Variants in MATN2 observed in about 807,000 individuals in gnomAD.
MATN2 encodes matrilin-2.
A neutral mutation model predicts 103.2 loss-of-function variants in MATN2; 69 were observed. The observed-to-expected ratio is 0.67, with a 90% CI of 0.55 to 0.82. The LOEUF is 0.82. Among genes scored for constraint, MATN2 ranks in the 40% least tolerant of loss-of-function variants. MATN2 has a pLI of 0.00. For missense variants in MATN2, 1,023 were observed against 1,211.5 expected, an observed-to-expected ratio of 0.84 and a Z score of 2.31; for synonymous variants, 429 against 450.2, an observed-to-expected ratio of 0.95 and a Z score of 0.60.
chr8:98,013,311 G>A (rs1813237886), intron 10 of MATN2, among the ~76,000 whole-genome samples: 1 of 152,196 alleles, frequency 6.6e-6, no homozygotes, highest in Non-Finnish European at 1.5e-5. Flanking sequence ...GAACAAATGT[G>A]AGTCGTGCAT....
At chr8:98,003,622 T>G (rs771411621) in intron 7 of MATN2, 39 bp from the exon 8 acceptor site, 2 of 1,612,134 alleles carry the variant, frequency 1.2e-6, no homozygotes, top group East Asian at 4.5e-5. Flanking sequence ...CTGGGAGAGG[T>G]CCAGAGTCTG....
chr8:98,007,283 A>C lies in MATN2; in HGVS notation c.1450+56A>C. On this transcript the variant is annotated intron_variant, in intron 9 of 18. Coordinates refer to ENST00000254898, the MANE Select transcript of MATN2 (RefSeq NM_002380.5). The surrounding 1 kb of genome is among the most constrained non-coding windows in gnomAD (Gnocchi z 4.2). Reference sequence around the variant, plus strand: ...AAGGTTTGCACCAGGAGTGAAACCTATGTGACTGCAGAGGGCACAGGTTGT... The same window carrying C: ...AAGGTTTGCACCAGGAGTGAAACCTCTGTGACTGCAGAGGGCACAGGTTGT... The C allele has an allele frequency of 4.3e-6, 7 of 1,609,238 alleles. No individual in the cohort carries two copies. The highest frequency in any genetic ancestry group is 3.8e-4 in the Middle Eastern group (2 of 5,256).
intron 10 of MATN2, among the ~76,000 whole-genome samples, chr8:98,012,760 C>G (rs558024128): frequency 6.6e-6 from 1 of 152,292 alleles, no homozygotes; most frequent in East Asian, 1.9e-4. Context: ...GCAGCTGGAC[C>G]AGGGACACGG....
chr8:97,893,262 A>T (rs1461920553), intron 2 of MATN2, among the ~76,000 whole-genome samples: 9 of 152,190 alleles, frequency 5.9e-5, no homozygotes, highest in Non-Finnish European at 8.8e-5. Context: ...TGGCAGGTAG[A>T]GTCGGAGAAT....
intron 2 of MATN2, among the ~76,000 whole-genome samples, chr8:97,913,940 G>T (rs1394612550): frequency 6.6e-6 from 1 of 152,172 alleles, no homozygotes. Flanking sequence ...TTGAAATTTG[G>T]ATTAAATAGG....
intron 2 of MATN2, among the ~76,000 whole-genome samples, chr8:97,894,275 C>T (rs1000794840): frequency 7.0e-6 from 1 of 143,406 alleles, no homozygotes; most frequent in Non-Finnish European, 1.5e-5. Flanking sequence ...TTACTCATAA[C>T]AGTTAATTTA....
chr8:97,970,471 C>T (rs1245405727), intron 5 of MATN2, among the ~76,000 whole-genome samples: 1 of 152,188 alleles, frequency 6.6e-6, no homozygotes, highest in African/African-American at 2.4e-5. Context: ...TTCATAGCTA[C>T]TGCTATGAAA....
At chr8:97,872,858 G>A (rs2129918262) in intron 1 of MATN2, among the ~76,000 whole-genome samples, 1 of 151,514 alleles carries the variant, frequency 6.6e-6, no homozygotes, top group Non-Finnish European at 1.5e-5. Flanking sequence ...GCAGTGGCGT[G>A]ATCTTGGCTC....
chr8:97,969,519 A>C (rs1811588327), intron 5 of MATN2, among the ~76,000 whole-genome samples: 1 of 152,172 alleles, frequency 6.6e-6, no homozygotes, highest in Non-Finnish European at 1.5e-5. Context: ...ATGGAGTGAG[A>C]AGAGAGTGAA....
rs1301053649 is a variant in MATN2 at position 97,930,884 on chromosome 8, G to T, written c.143-69G>T. On this transcript the variant is annotated intron_variant, in intron 2 of 18. Coordinates refer to ENST00000254898, the MANE Select transcript of MATN2 (RefSeq NM_002380.5). ...TGATCCACCCGCCTTCCAAAGTGCT[G>T]GGATTACAGGTGTGAGCCACCACAC... is the stretch of plus-strand genomic sequence containing the variant. The T allele has an allele frequency of 2.8e-6, 3 of 1,081,144 alleles. No homozygotes were observed. In the East Asian group the frequency reaches 7.4e-5, roughly 27 times the overall value. The allele number at this position is 1,081,144 out of a possible 1,614,324, so 67.0% of individuals were successfully genotyped here. A position where few individuals can be genotyped will look rare whatever the true frequency, so the allele number is the denominator to read the frequency against.
chr8:98,016,960 T>C (rs1563728338), intron 11 of MATN2, among the ~76,000 whole-genome samples: 1 of 152,220 alleles, frequency 6.6e-6, no homozygotes, highest in African/African-American at 2.4e-5. Flanking sequence ...GTGGGGTATA[T>C]TGCAATTCTT....
chr8:97,972,083 C>A (rs899939966), intron 5 of MATN2, among the ~76,000 whole-genome samples: 1 of 151,948 alleles, frequency 6.6e-6, no homozygotes, highest in African/African-American at 2.4e-5. Flanking sequence ...GTAGTCCCAG[C>A]TATTCAGGAG....
chr8:97,987,788 T>G (rs921836893), intron 6 of MATN2, among the ~76,000 whole-genome samples: 1 of 152,092 alleles, frequency 6.6e-6, no homozygotes, highest in African/African-American at 2.4e-5. Context: ...TAACATGTCT[T>G]CATATATTAG....
At chr8:97,872,648 T>C (rs1817934144) in intron 1 of MATN2, among the ~76,000 whole-genome samples, 1 of 152,168 alleles carries the variant, frequency 6.6e-6, no homozygotes, top group Admixed American at 6.6e-5. Flanking sequence ...TCTTGGTTCC[T>C]TCTTCCATCC....
rs956759384 is a variant in MATN2 at position 98,019,880 on chromosome 8, T to C, written c.1820-1325T>C. ...TCCTCACAGACTCCTTTGAGATAAC[T>C]GGGGATATTCCACAAGCCAACAAGG... is the stretch of plus-strand genomic sequence containing the variant. On this transcript the variant is annotated intron_variant, in intron 12 of 18. Transcript: ENST00000254898. 9.2e-5 allele frequency among the ~76,000 whole-genome samples: 14 copies of C among 152,220 alleles called. 1 individual carries two copies. In the South Asian group the frequency reaches 2.7e-3, roughly 29 times the overall value.
intron 2 of MATN2, among the ~76,000 whole-genome samples, chr8:97,902,530 G>GA (rs1207582694): frequency 1.3e-5 from 2 of 150,708 alleles, no homozygotes; most frequent in South Asian, 4.2e-4. Flanking sequence ...AAAAGACAAA[G>GA]AAAAAAAGCA....
chr8:97,916,345 C>T (rs1809630293), intron 2 of MATN2, among the ~76,000 whole-genome samples: 1 of 152,170 alleles, frequency 6.6e-6, no homozygotes, highest in Admixed American at 6.5e-5. Context: ...GCTGAGATTA[C>T]AGGCATGAGC....
intron 6 of MATN2, among the ~76,000 whole-genome samples, 154 bp from the exon 7 acceptor site, chr8:97,994,326 T>C (rs1406193362): frequency 6.6e-6 from 1 of 152,166 alleles, no homozygotes; most frequent in African/African-American, 2.4e-5. Flanking sequence ...TCTCTAAACA[T>C]GGAAGTAGCT....
intron 2 of MATN2, among the ~76,000 whole-genome samples, chr8:97,927,816 G>C (rs79531097): frequency 6.6e-6 from 1 of 152,158 alleles, no homozygotes. Context: ...GTGATGCTTG[G>C]ATAGATATTG....
Sources: allele counts gnomAD v4.1 joint callset (sites outside exome capture counted in the v4.1 genomes callset), GRCh38; gene constraint gnomAD v4.1.1; non-coding constraint Gnocchi (gnomAD v3.1); transcripts MANE v1.5; gene names NCBI Gene and HGNC (gene_info 2026-07-23, HGNC 2026-07-21).